The following CDH13 variants were observed in gnomAD, a reference collection of about 807,000 sequenced individuals.
CDH13 encodes the protein cadherin 13.
A neutral mutation model predicts 63.8 loss-of-function variants in CDH13; 24 were observed. That is an observed-to-expected ratio of 0.38 (90% CI 0.27 to 0.53). The LOEUF is 0.53. Among genes scored for constraint, CDH13 ranks in the 20% least tolerant of loss-of-function variants. CDH13 has a pLI of 0.85. For missense variants in CDH13, 1,049 were observed against 903.1 expected (o/e 1.16, Z -2.07); for synonymous variants, 503 against 355.3 (o/e 1.42, Z -4.67).
At chr16:83,392,312 C>A (rs951926) in intron 6 of CDH13, among the ~76,000 whole-genome samples, 73,428 of 152,044 alleles carry the variant, frequency 0.48, 19,031 homozygotes, top group East Asian at 0.76. Context: ...TAGCGCCGTG[C>A]CTCACGAGCT....
chr16:82,880,207 G>C (rs985810001), intron 2 of CDH13, among the ~76,000 whole-genome samples: 5 of 151,922 alleles, frequency 3.3e-5, no homozygotes, highest in African/African-American at 1.2e-4. Context: ...GCAATGAGAG[G>C]CCTTTGCTTC....
rs184559545 is a variant in CDH13 at position 83,167,803 on chromosome 16, G to A, written c.483+42302G>A. Among the ~76,000 whole-genome samples the A allele has an allele frequency of 2.4e-3, 362 of 151,670 alleles. 5 individuals carry two copies. Among genetic ancestry groups the A allele is most frequent in the African/African-American group, 8.4e-3 (349 of 41,360 alleles). On this transcript the variant is annotated intron_variant, in intron 4 of 13. Coordinates refer to ENST00000567109, the MANE Select transcript of CDH13 (RefSeq NM_001257.5). The stretch of plus-strand genomic sequence containing the variant: ...GCAAAGGCATAGAATCAACCTAGGT[G>A]CCCAGCAGTGGTGGACTGGATTGAA...
rs763446730 is a variant in CDH13 at position 83,432,909 on chromosome 16, A to T, written c.782-53568A>T. Among the ~76,000 whole-genome samples the T allele has an allele frequency of 2.6e-5, 4 of 152,346 alleles. No homozygotes were observed. In the South Asian group the frequency reaches 8.3e-4, roughly 32 times the overall value. On this transcript the variant is annotated intron_variant, in intron 6 of 13. Coordinates refer to ENST00000567109, the MANE Select transcript of CDH13 (RefSeq NM_001257.5). ...CATGGTCCTGTTTGACATAACATTT[A>T]TGTTTCTTCTTCATGGTTAGGGTTG...
intron 4 of CDH13, among the ~76,000 whole-genome samples, chr16:83,211,973 G>A (rs181270061): frequency 1.3e-5 from 2 of 152,270 alleles, no homozygotes; most frequent in Admixed American, 6.5e-5. Context: ...GGAAGTTCTC[G>A]CTAACTGTGA....
intron 8 of CDH13, among the ~76,000 whole-genome samples, chr16:83,614,683 G>A (rs770388330): frequency 1.8e-4 from 27 of 152,164 alleles, no homozygotes; most frequent in Non-Finnish European, 3.4e-4. Context: ...TGGTCAGGAA[G>A]AAGCTTTCCC....
At chr16:82,980,959 G>C (rs1395311370) in intron 2 of CDH13, among the ~76,000 whole-genome samples, 1 of 152,128 alleles carries the variant, frequency 6.6e-6, no homozygotes, top group African/African-American at 2.4e-5. Flanking sequence ...TAGTGCTCCA[G>C]GACAAAACAT....
intron 6 of CDH13, among the ~76,000 whole-genome samples, chr16:83,414,978 G>C (rs1213623437): frequency 6.6e-6 from 1 of 152,016 alleles, no homozygotes; most frequent in East Asian, 1.9e-4. Context: ...TGGTAGAAAA[G>C]TTGGTTTTTT....
rs200574265 is a variant in CDH13 at position 82,773,791 on chromosome 16, CTTT to C, written c.46-84562_46-84560del. On this transcript the variant is annotated intron_variant, in intron 1 of 13. Coordinates refer to ENST00000567109, the MANE Select transcript of CDH13 (RefSeq NM_001257.5). ...GAATATTGTTTTTCTTCTTCTTCTT[CTTT>C]TTTTTTTTAAATGGAGTTTCACACT... 5.0e-5 allele frequency among the ~76,000 whole-genome samples: 7 copies of C among 139,690 alleles called. No individual in the cohort carries two copies. In the South Asian group the frequency reaches 1.5e-3, roughly 29 times the overall value. 91.6% of individuals were successfully genotyped at this position (139,690 alleles called of 152,430 possible). A position where few individuals can be genotyped will look rare whatever the true frequency, so the allele number is the denominator to read the frequency against.
chr16:83,148,694 A>C (rs1443906385), intron 4 of CDH13, among the ~76,000 whole-genome samples: 1 of 152,216 alleles, frequency 6.6e-6, no homozygotes, highest in Admixed American at 6.5e-5. Context: ...ATGAATATCT[A>C]ATACAGTTAA....
At chr16:82,862,038 G>A (rs977934814) in intron 2 of CDH13, among the ~76,000 whole-genome samples, 3 of 152,180 alleles carry the variant, frequency 2.0e-5, no homozygotes, top group African/African-American at 7.2e-5. Context: ...TCAGAAAGGA[G>A]GCATCCATTT....
chr16:83,568,197 A>T (rs1009663722), intron 7 of CDH13, among the ~76,000 whole-genome samples: 75 of 152,218 alleles, frequency 4.9e-4, no homozygotes, highest in African/African-American at 1.8e-3. Flanking sequence ...AAAGGAAAAA[A>T]AAAAGCTGAT....
At chr16:83,673,739 C>T (rs946172911) in intron 9 of CDH13, among the ~76,000 whole-genome samples, 1 of 152,158 alleles carries the variant, frequency 6.6e-6, no homozygotes, top group African/African-American at 2.4e-5. Flanking sequence ...TGGGCTTGCC[C>T]CAGACCTGCT....
At chr16:82,714,807 C>T (rs577404817) in intron 1 of CDH13, among the ~76,000 whole-genome samples, 1 of 140,078 alleles carries the variant, frequency 7.1e-6, no homozygotes. Context: ...AGCTACAATT[C>T]AAGGGACACC....
At chr16:82,990,791 C>T (rs1020951694) in intron 2 of CDH13, among the ~76,000 whole-genome samples, 1 of 152,128 alleles carries the variant, frequency 6.6e-6, no homozygotes, top group African/African-American at 2.4e-5. Flanking sequence ...AGTGATCCAT[C>T]TTGGCCTCCA....
intron 1 of CDH13, among the ~76,000 whole-genome samples, chr16:82,748,450 G>T (rs1304269093): frequency 1.3e-5 from 2 of 152,180 alleles, no homozygotes; most frequent in Non-Finnish European, 2.9e-5. Flanking sequence ...TCTCTTGGTA[G>T]TGTCATCAGC....
At chr16:82,687,276 C>G (rs1915174193) in intron 1 of CDH13, among the ~76,000 whole-genome samples, 1 of 152,110 alleles carries the variant, frequency 6.6e-6, no homozygotes, top group African/African-American at 2.4e-5. Flanking sequence ...ATCTTAACTT[C>G]TGGGATACTG....
intron 3 of CDH13, among the ~76,000 whole-genome samples, chr16:83,043,826 A>G (rs1395113732): frequency 7.2e-6 from 1 of 139,754 alleles, no homozygotes; most frequent in Non-Finnish European, 1.5e-5. Context: ...GTGTGACTCT[A>G]TCTCAAAAAA....
At chr16:83,521,701 G>T (rs188049727) in intron 7 of CDH13, among the ~76,000 whole-genome samples, 392 of 152,274 alleles carry the variant, frequency 2.6e-3, no homozygotes, top group African/African-American at 7.4e-3. Context: ...AACATGAGTG[G>T]GTAATTCTTC....
intron 10 of CDH13, among the ~76,000 whole-genome samples, chr16:83,698,658 C>G (rs946173471): frequency 3.3e-5 from 5 of 152,204 alleles, no homozygotes; most frequent in Non-Finnish European, 7.3e-5. Context: ...ATGATCTAGC[C>G]TGGAACACTG....
Sources: allele counts gnomAD v4.1 joint callset (sites outside exome capture counted in the v4.1 genomes callset), GRCh38; gene constraint gnomAD v4.1.1; transcripts MANE v1.5; gene names NCBI Gene and HGNC (gene_info 2026-07-23, HGNC 2026-07-21).